Variants in SDK1 observed in about 807,000 individuals in gnomAD.
SDK1 encodes protein sidekick-1.
In SDK1, 157 loss-of-function variants were observed where a neutral mutation model predicts 245.5. The ratio of observed to expected loss-of-function variants is 0.64; its 90% confidence interval spans 0.56 to 0.73. The LOEUF (loss-of-function observed/expected upper bound fraction) is 0.73. SDK1 is among the 30% of genes least tolerant of loss of function. The probability of loss-of-function intolerance (pLI) is 0.00; values close to 1 mark genes in which losing one functional copy is unlikely to be tolerated. For missense variants in SDK1, 3,583 were observed against 3,002.3 expected (o/e 1.19, Z -4.52); for synonymous variants, 1,647 against 1,278.5 (o/e 1.29, Z -6.15).
At chr7:3,628,579 C>T (rs1232937078) in intron 2 of SDK1, among the ~76,000 whole-genome samples, 9 of 152,110 alleles carry the variant, frequency 5.9e-5, no homozygotes, top group African/African-American at 1.9e-4. Context: ...TGGCAACATT[C>T]TATATGCTGG....
At chr7:4,049,293 C>T in intron 17 of SDK1, 55 bp from the exon 18 acceptor site, 2 of 1,370,192 alleles carry the variant, frequency 1.5e-6, no homozygotes, top group South Asian at 1.2e-5. Context: ...GTCTCTCCAC[C>T]CCATGGTCCC....
intron 35 of SDK1, among the ~76,000 whole-genome samples, chr7:4,202,156 G>A (rs576192825): frequency 2.6e-5 from 4 of 152,238 alleles, no homozygotes; most frequent in East Asian, 3.9e-4. Flanking sequence ...CCCACACTCC[G>A]CCTGGCACCG....
At chr7:3,599,686 A>C (rs112010002) in intron 1 of SDK1, among the ~76,000 whole-genome samples, 1 of 152,160 alleles carries the variant, frequency 6.6e-6, no homozygotes, top group East Asian at 1.9e-4. Flanking sequence ...TAGGTATTCA[A>C]TTGCCTAGCA....
chr7:4,151,195 G>A (rs1014337980), intron 30 of SDK1, among the ~76,000 whole-genome samples: 4 of 152,136 alleles, frequency 2.6e-5, no homozygotes, highest in South Asian at 2.1e-4. Flanking sequence ...CCCATGCTGC[G>A]GCTCCCAGGC....
intron 1 of SDK1, among the ~76,000 whole-genome samples, chr7:3,575,240 G>C (rs1780247157): frequency 6.6e-6 from 1 of 152,010 alleles, no homozygotes; most frequent in Non-Finnish European, 1.5e-5. Context: ...GTCCTCACAT[G>C]CCTTTGCTTG....
intron 1 of SDK1, among the ~76,000 whole-genome samples, chr7:3,347,338 C>T (rs1780535707): frequency 6.6e-6 from 1 of 151,982 alleles, no homozygotes; most frequent in African/African-American, 2.4e-5. Context: ...TCTAATTTTG[C>T]ATTATTAGTG....
chr7:4,194,379 TG>T (rs1385012305), intron 35 of SDK1, among the ~76,000 whole-genome samples: 3 of 117,662 alleles, frequency 2.5e-5, no homozygotes, highest in Middle Eastern at 4.6e-3. Context: ...TATACATGTA[TG>T]TGTATACATG....
chr7:4,133,841 T>C (rs963810230), intron 28 of SDK1, among the ~76,000 whole-genome samples: 43 of 152,342 alleles, frequency 2.8e-4, no homozygotes, highest in African/African-American at 1.0e-3. Flanking sequence ...CCGATTCGGC[T>C]AGCCTGTGTT....
At chr7:3,361,067 C>T (rs1290544251) in intron 1 of SDK1, among the ~76,000 whole-genome samples, 1 of 152,122 alleles carries the variant, frequency 6.6e-6, no homozygotes, top group East Asian at 1.9e-4. Context: ...GACTGTTGTA[C>T]TTTAAAAACC....
At position 4,003,461 on chromosome 7, in the gene SDK1, C is replaced by T. The variant is rs185426616; in HGVS notation, c.2132-7505C>T. Among the ~76,000 whole-genome samples, 7 of 152,296 alleles carry T rather than the reference C, an allele frequency of 4.6e-5. No individual in the cohort carries two copies. In the East Asian group the frequency reaches 9.7e-4, roughly 21 times the overall value. On this transcript the variant is annotated intron_variant, in intron 14 of 44. Transcript: ENST00000404826. ...GCAGTCACTGCCCCCTTCCGAGCTC[C>T]GCAGTCTCTCCCTGATGACGTCTTT...
At chr7:4,218,112 C>A (rs1209747237) in intron 38 of SDK1, among the ~76,000 whole-genome samples, 1 of 152,136 alleles carries the variant, frequency 6.6e-6, no homozygotes, top group Non-Finnish European at 1.5e-5. Flanking sequence ...CCAAAAGTAG[C>A]CAAAATTGGC....
intron 30 of SDK1, among the ~76,000 whole-genome samples, chr7:4,157,922 C>A (rs1780871711): frequency 6.6e-6 from 1 of 152,052 alleles, no homozygotes; most frequent in African/African-American, 2.4e-5. Flanking sequence ...TGGGTCTGGC[C>A]CAGTAAAGAG....
chr7:3,550,380 T>TA (rs1232915774), intron 1 of SDK1, among the ~76,000 whole-genome samples: 1 of 152,172 alleles, frequency 6.6e-6, no homozygotes, highest in African/African-American at 2.4e-5. Context: ...ACAATCAACA[T>TA]ACTGTGGCAC....
chr7:3,611,289 C>T (rs940178645), intron 1 of SDK1, among the ~76,000 whole-genome samples: 2 of 152,296 alleles, frequency 1.3e-5, no homozygotes, highest in Non-Finnish European at 2.9e-5. Flanking sequence ...CAACTCTTTT[C>T]ACTGGAGGGA....
rs114022760 is a variant in SDK1, at chr7:3,694,721, G to A, written c.713+52616G>A. On this transcript the variant is annotated intron_variant, in intron 4 of 44. Transcript: ENST00000404826. ...AACATCCGTCTCTGGGCCACATCTCGAGTTTCTGATTCCATAGTTTGAGCC... is the reference window on the plus strand; with the variant it reads ...AACATCCGTCTCTGGGCCACATCTCAAGTTTCTGATTCCATAGTTTGAGCC... 3.6e-3 allele frequency among the ~76,000 whole-genome samples: 547 copies of A among 152,150 alleles called. 5 individuals are homozygous for A. The highest frequency in any genetic ancestry group is 0.013 in the African/African-American group (522 of 41,490).
chr7:4,170,890 G>T (rs979601867), intron 32 of SDK1, among the ~76,000 whole-genome samples: 2 of 152,094 alleles, frequency 1.3e-5, no homozygotes, highest in Admixed American at 1.3e-4. Context: ...TGTTGCCGGC[G>T]TCCCAAACAC....
chr7:3,458,282 T>C (rs1367743706), intron 1 of SDK1, among the ~76,000 whole-genome samples: 1 of 152,162 alleles, frequency 6.6e-6, no homozygotes, highest in Non-Finnish European at 1.5e-5. Flanking sequence ...TTTCCCCTGT[T>C]GTCTCTCTTT....
intron 44 of SDK1, among the ~76,000 whole-genome samples, chr7:4,250,264 T>G (rs1333788340): frequency 6.6e-6 from 1 of 152,222 alleles, no homozygotes. Flanking sequence ...ATTGTTTGTT[T>G]TAAAATCTGA....
chr7:3,649,048 T>G (rs1782930470), intron 4 of SDK1, among the ~76,000 whole-genome samples: 1 of 152,252 alleles, frequency 6.6e-6, no homozygotes, highest in Non-Finnish European at 1.5e-5. Context: ...ACTTAATTAG[T>G]GCCAGCCACT....
Sources: gnomAD v4.1 joint callset for allele counts (sites outside exome capture counted in the v4.1 genomes callset) on GRCh38, gnomAD v4.1.1 for gene constraint, MANE v1.5 for transcripts, NCBI Gene and HGNC (gene_info 2026-07-23, HGNC 2026-07-21) for gene names.